RRM2: variants seen among roughly 807,000 people sequenced by gnomAD.
The protein encoded by RRM2 is ribonucleotide reductase regulatory subunit M2, also known as ribonucleoside-diphosphate reductase subunit M2.
A neutral mutation model predicts 45.9 loss-of-function variants in RRM2; 6 were observed. That is an observed-to-expected ratio of 0.13 (90% CI 0.07 to 0.26). RRM2 has a LOEUF of 0.26. RRM2 is among the 10% of genes least tolerant of loss of function. The pLI, the probability that RRM2 is intolerant of heterozygous loss-of-function variation, is 1.00. For synonymous variants in RRM2, 177 were observed against 173.0 expected (o/e 1.02, Z -0.18); for missense variants, 343 against 489.5 (o/e 0.70, Z 2.82).
At position 10,191,776 on chromosome 2, in the gene RRM2, G is replaced by C. The variant is rs376889371; in HGVS notation, n.483-18535G>C. The stretch of plus-strand genomic sequence containing the variant: ...GGCCATGCGCACTGGGAATAAGTGA[G>C]AGGCTCCCGCTATCTCAGACCTGGC... On this transcript the variant is annotated intron_variant and non_coding_transcript_variant, in intron 3 of 3. Transcript: ENST00000381786. 1.8e-4 allele frequency among the ~76,000 whole-genome samples: 28 copies of C among 152,296 alleles called. 2 individuals carry two copies. The highest frequency in any genetic ancestry group is 1.2e-3 in the Admixed American group (18 of 15,290).
At chr2:10,173,334 C>T (rs112629173) in intron 3 of RRM2, among the ~76,000 whole-genome samples, 3,823 of 152,272 alleles carry the variant, frequency 0.025, 170 homozygotes, top group African/African-American at 0.087. Flanking sequence ...TCCCCTTTCT[C>T]CCCCAATGGC....
At chr2:10,140,885 G>C (rs893415723), upstream of RRM2, among the ~76,000 whole-genome samples, 6 of 152,136 alleles carry the variant, frequency 3.9e-5, no homozygotes, top group African/African-American at 1.4e-4. Flanking sequence ...AGGGGAAGCA[G>C]CTACCCAGGC....
At position 10,129,242 on chromosome 2, in the gene RRM2, A is replaced by G. The variant is rs761749812; in HGVS notation, c.1026A>G (p.Arg342=). Residue 342 remains arginine, a synonymous_variant, in exon 10 of 10, where the codon AGA becomes AGG. Transcript: ENST00000304567. The surrounding 1 kb of genome is among the most constrained non-coding windows in gnomAD (Gnocchi z 4.8). The part of the protein sequence containing the change: ...MLELGFSKVF[R]VENPFDFMEN... ...GATGTGAACCTTTTCAGGTTTTCAGAGTAGAGAACCCATTTGACTTTATGG... is the reference window on the plus strand; with the variant it reads ...GATGTGAACCTTTTCAGGTTTTCAGGGTAGAGAACCCATTTGACTTTATGG... The G allele has an allele frequency of 6.2e-7, 1 of 1,613,542 alleles. No individual in the cohort carries two copies. The highest frequency in any genetic ancestry group is 8.5e-7 in the Non-Finnish European group (1 of 1,179,864).
At chr2:10,140,317 C>T (rs1221268633), upstream of RRM2, among the ~76,000 whole-genome samples, 3 of 152,332 alleles carry the variant, frequency 2.0e-5, no homozygotes, top group Admixed American at 6.5e-5. Flanking sequence ...ATTCAAATTT[C>T]AGGGCCCATA....
chr2:10,147,708 G>C (rs1663218243), intron 3 of RRM2, among the ~76,000 whole-genome samples: 1 of 152,192 alleles, frequency 6.6e-6, no homozygotes, highest in South Asian at 2.1e-4. Context: ...CTTATGAAAA[G>C]TGTGTATTTT....
upstream of RRM2, chr2:10,122,700 C>G (rs759527225): frequency 1.3e-6 from 2 of 1,550,910 alleles, no homozygotes; most frequent in Admixed American, 3.9e-5. Context: ...GAGCGCGCGG[C>G]GCGGGAGATT....
chr2:10,157,741 G>A (rs1264263178), intron 3 of RRM2, among the ~76,000 whole-genome samples: 1 of 152,118 alleles, frequency 6.6e-6, no homozygotes, highest in Non-Finnish European at 1.5e-5. Context: ...ATTGGCATTT[G>A]TGCATTTCAT....
chr2:10,135,115 A>G (rs1312165289), downstream of RRM2, among the ~76,000 whole-genome samples: 1 of 152,248 alleles, frequency 6.6e-6, no homozygotes, highest in East Asian at 1.9e-4. Context: ...AGGTTTTACC[A>G]TTCACATCCC....
chr2:10,208,193 G>A (rs1664697425), intron 3 of RRM2, among the ~76,000 whole-genome samples: 2 of 152,148 alleles, frequency 1.3e-5, no homozygotes, highest in South Asian at 4.1e-4. Context: ...GAAGGAAGCC[G>A]AAGGGACAGC....
At chr2:10,142,292 T>C (rs1464338534) in exon 3 of RRM2, 2 of 1,417,214 alleles carry the variant, frequency 1.4e-6, no homozygotes, top group Non-Finnish European at 1.9e-6. Context: ...CAGCCTTACG[T>C]CTTGAAAGGG....
At chr2:10,182,646 T>C (rs149205458) in intron 3 of RRM2, among the ~76,000 whole-genome samples, 312 of 152,132 alleles carry the variant, frequency 2.1e-3, no homozygotes, top group African/African-American at 6.9e-3. Context: ...AAAATAAAAA[T>C]TAAAAATTGG....
At chr2:10,198,233 C>T (rs1664455490) in intron 3 of RRM2, among the ~76,000 whole-genome samples, 1 of 152,190 alleles carries the variant, frequency 6.6e-6, no homozygotes, top group South Asian at 2.1e-4. Context: ...CAGGATAGGG[C>T]AGTCCTCCAC....
chr2:10,163,750 T>A (rs141759486), intron 3 of RRM2, among the ~76,000 whole-genome samples: 1 of 152,222 alleles, frequency 6.6e-6, no homozygotes, highest in African/African-American at 2.4e-5. Context: ...TCCCCTCTCC[T>A]GGTTTTCTGC....
intron 3 of RRM2, among the ~76,000 whole-genome samples, chr2:10,194,296 T>C (rs1287824885): frequency 6.6e-6 from 1 of 152,174 alleles, no homozygotes; most frequent in Non-Finnish European, 1.5e-5. Flanking sequence ...GCAAAGGCGG[T>C]GGTGTGACGC....
chr2:10,162,109 G>A (rs1663573985), intron 3 of RRM2, among the ~76,000 whole-genome samples: 1 of 152,212 alleles, frequency 6.6e-6, no homozygotes, highest in South Asian at 2.1e-4. Flanking sequence ...TGCCTGGGAT[G>A]AATGGTGCCC....
At chr2:10,122,737 C>T (rs1438340979), upstream of RRM2, 4 of 1,553,140 alleles carry the variant, frequency 2.6e-6, no homozygotes, top group African/African-American at 2.7e-5. Flanking sequence ...GAGGGGTCGC[C>T]CGTGCACCCT....
At chr2:10,143,140 C>T (rs749564930) in intron 3 of RRM2, among the ~76,000 whole-genome samples, 19 of 152,146 alleles carry the variant, frequency 1.2e-4, no homozygotes, top group East Asian at 3.8e-4. Context: ...CCCAAAGGGC[C>T]GGGATTACAG....
intron 3 of RRM2, among the ~76,000 whole-genome samples, chr2:10,180,823 G>A (rs150711170): frequency 0.051 from 7,797 of 152,246 alleles, 297 homozygotes; most frequent in Non-Finnish European, 0.084. Flanking sequence ...CTGGAGTGCA[G>A]TGGCATGATT....
At position 10,172,857 on chromosome 2, in the gene RRM2, G is replaced by A. The variant is rs951825078; in HGVS notation, n.482+30482G>A. 2.0e-5 allele frequency among the ~76,000 whole-genome samples: 3 copies of A among 152,222 alleles called. No homozygotes were observed. Among genetic ancestry groups the A allele is most frequent in the Admixed American group, 1.3e-4 (2 of 15,268 alleles). On this transcript the variant is annotated intron_variant and non_coding_transcript_variant, in intron 3 of 3. Coordinates refer to the RRM2 transcript ENST00000381786. The surrounding 1 kb of genome is among the most constrained non-coding windows in gnomAD (Gnocchi z 4.9). ...TCAGGGCCCATCTGAGCAGGGGCCC[G>A]GTGTGACCACACGGATCCCATACCG...
Sources: allele counts gnomAD v4.1 joint callset (sites outside exome capture counted in the v4.1 genomes callset), GRCh38; gene constraint gnomAD v4.1.1; non-coding constraint Gnocchi (gnomAD v3.1); transcripts MANE v1.5; gene names NCBI Gene and HGNC (gene_info 2026-07-23, HGNC 2026-07-21).